Variants in C12orf54 observed in about 807,000 individuals in gnomAD.
C12orf54 encodes uncharacterized protein C12orf54.
C12orf54 carries 24 observed loss-of-function variants against 26.4 expected under a neutral mutation model. The observed-to-expected ratio is 0.91, with a 90% CI of 0.66 to 1.28. The LOEUF (loss-of-function observed/expected upper bound fraction) is 1.28. Ranked by LOEUF, C12orf54 falls within the 50% of genes most tolerant of loss-of-function variation. The pLI is 0.00. For synonymous variants in C12orf54, 54 were observed against 47.0 expected (o/e 1.15, Z -0.61); for missense variants, 154 against 150.9 (o/e 1.02, Z -0.11).
chr12:48,483,414 G>A (rs1954221955), intron 2 of C12orf54, 53 bp downstream of exon 2: 1 of 1,563,278 alleles, frequency 6.4e-7, no homozygotes, highest in East Asian at 2.3e-5. Flanking sequence ...ATACTCTATG[G>A]GAGAAGAACC....
the C12orf54 span, among the ~76,000 whole-genome samples, chr12:48,447,166 G>C: frequency 3.3e-5 from 5 of 151,816 alleles, no homozygotes; most frequent in Non-Finnish European, 5.9e-5. Context: ...GATGGGATTA[G>C]TGCCCTTGTA....
At chr12:48,474,720 T>A in the C12orf54 span, among the ~76,000 whole-genome samples, 1 of 152,144 alleles carries the variant, frequency 6.6e-6, no homozygotes, top group Non-Finnish European at 1.5e-5. Flanking sequence ...CCAAGTTAGT[T>A]GTTTGATTAG....
chr12:48,443,615 T>C, the C12orf54 span, among the ~76,000 whole-genome samples: 1 of 152,168 alleles, frequency 6.6e-6, no homozygotes, highest in African/African-American at 2.4e-5. Context: ...AGGAACATAC[T>C]CCAGTCATAA....
chr12:48,424,119 T>G, the C12orf54 span, among the ~76,000 whole-genome samples: 3 of 152,226 alleles, frequency 2.0e-5, no homozygotes, highest in East Asian at 5.8e-4. Flanking sequence ...TGCTTTTCTT[T>G]TCTGGTCTAA....
chr12:48,433,739 AC>A, the C12orf54 span, among the ~76,000 whole-genome samples: 1 of 152,010 alleles, frequency 6.6e-6, no homozygotes, highest in East Asian at 1.9e-4. Flanking sequence ...GAGCCACCGC[AC>A]CCGGCCAGCC....
chr12:48,433,740 C>A, the C12orf54 span, among the ~76,000 whole-genome samples: 3 of 152,168 alleles, frequency 2.0e-5, no homozygotes, highest in African/African-American at 7.2e-5. Context: ...AGCCACCGCA[C>A]CCGGCCAGCC....
chr12:48,478,866 A>G (rs1954171224), upstream of C12orf54, among the ~76,000 whole-genome samples: 3 of 152,324 alleles, frequency 2.0e-5, no homozygotes, highest in South Asian at 4.1e-4. Flanking sequence ...TCAGGAAACA[A>G]CAGGTGCTGG....
At chr12:48,427,724 G>C in the C12orf54 span, among the ~76,000 whole-genome samples, 1 of 151,982 alleles carries the variant, frequency 6.6e-6, no homozygotes, top group South Asian at 2.1e-4. Context: ...ATAATAGTGG[G>C]GGACTTCAAT....
At chr12:48,454,096 G>GTT in the C12orf54 span, among the ~76,000 whole-genome samples, 21 of 94,268 alleles carry the variant, frequency 2.2e-4, no homozygotes, top group Non-Finnish European at 2.9e-4. Flanking sequence ...TTTTTTGTTT[G>GTT]TTTTTTTTTT....
chr12:48,436,715 A>C, the C12orf54 span, among the ~76,000 whole-genome samples: 1 of 152,232 alleles, frequency 6.6e-6, no homozygotes, highest in Admixed American at 6.5e-5. Context: ...AACTAGAAAA[A>C]AGACACAATA....
the C12orf54 span, among the ~76,000 whole-genome samples, chr12:48,466,891 C>T: frequency 1.3e-5 from 2 of 152,066 alleles, no homozygotes; most frequent in African/African-American, 4.8e-5. Context: ...ATGTTCATAG[C>T]CACTTTATTT....
the C12orf54 span, among the ~76,000 whole-genome samples, chr12:48,424,728 T>C: frequency 6.6e-6 from 1 of 152,150 alleles, no homozygotes; most frequent in Non-Finnish European, 1.5e-5. Context: ...GATGATCACA[T>C]ATGTCTTCAC....
the C12orf54 span, among the ~76,000 whole-genome samples, chr12:48,445,184 A>T: frequency 5.3e-5 from 8 of 152,190 alleles, no homozygotes; most frequent in South Asian, 2.1e-4. Context: ...TAAAAAAAAA[A>T]ATTAATACAT....
the C12orf54 span, among the ~76,000 whole-genome samples, chr12:48,462,643 T>C: frequency 2.6e-5 from 4 of 151,654 alleles, no homozygotes; most frequent in African/African-American, 4.8e-5. Flanking sequence ...TCTTAATATG[T>C]ACAGAAAAAG....
In C12orf54 at chr12:48,494,881, G is replaced by A. The variant is rs759358040; in HGVS notation, c.326G>A (p.Arg109His). 6.4e-5 allele frequency: 103 copies of A among 1,612,698 alleles called. No homozygotes were observed. The Middle Eastern group carries it at 6.6e-4, about 10-fold the overall frequency. Residue 109 changes from arginine to histidine, a missense_variant, in exon 8 of 9, where the codon CGT becomes CAT. Transcript: ENST00000548364. ...TCTGGAGAGCAGCCATCAGGAGGCC[G>A]TATCCACAACCTGAAGACACAGCTC... ...FSSGEQPSGG[R>H]IHNLKTQLFS...
the C12orf54 span, among the ~76,000 whole-genome samples, chr12:48,433,335 AT>A: frequency 6.6e-6 from 1 of 151,886 alleles, no homozygotes; most frequent in African/African-American, 2.4e-5. Context: ...TCAAAAAACT[AT>A]TTTGAACTGC....
the C12orf54 span, among the ~76,000 whole-genome samples, chr12:48,444,007 T>C: frequency 6.6e-6 from 1 of 152,222 alleles, no homozygotes; most frequent in Admixed American, 6.5e-5. Flanking sequence ...CAGCACAGAA[T>C]TAAAGAAAAA....
intron 4 of C12orf54, chr12:48,488,422 G>T: frequency 2.3e-6 from 1 of 437,440 alleles, no homozygotes; most frequent in Admixed American, 2.9e-5. Context: ...GTTCATGGAT[G>T]TGGTCATCTA....
chr12:48,425,849 A>G, the C12orf54 span, among the ~76,000 whole-genome samples: 1 of 151,238 alleles, frequency 6.6e-6, no homozygotes, highest in East Asian at 1.9e-4. Context: ...GCTTTTTTAT[A>G]TATACTTGCT....
Sources: gnomAD v4.1 joint callset for allele counts (sites outside exome capture counted in the v4.1 genomes callset) on GRCh38, gnomAD v4.1.1 for gene constraint, MANE v1.5 for transcripts, NCBI Gene and HGNC (gene_info 2026-07-23, HGNC 2026-07-21) for gene names.